Variants in TSPAN6 observed in about 807,000 individuals in gnomAD.
The protein encoded by TSPAN6 is tetraspanin-6.
In TSPAN6, 13 loss-of-function variants were observed where a neutral mutation model predicts 18.0. The observed-to-expected ratio is 0.72, with a 90% CI of 0.47 to 1.15. The LOEUF (loss-of-function observed/expected upper bound fraction) is 1.15. Among genes scored for constraint, TSPAN6 ranks in the 50% most tolerant of loss-of-function variants. TSPAN6 has a pLI of 0.00. For missense variants in TSPAN6, 186 were observed against 183.9 expected (o/e 1.01, Z -0.07); for synonymous variants, 82 against 67.0 (o/e 1.22, Z -1.09).
chrX:100,635,357 T>C (rs1389892425), intron 2 of TSPAN6, 105 bp from the exon 3 acceptor site: 6 of 696,101 alleles, frequency 8.6e-6, no homozygotes, highest in Admixed American at 3.2e-5. Flanking sequence ...TAGTTCATCA[T>C]GTTTTCATTG....
chrX:100,631,474 A>C, intron 6 of TSPAN6, among the ~76,000 whole-genome samples: 1 of 112,153 alleles, frequency 8.9e-6, no homozygotes, highest in Middle Eastern at 4.6e-3. Context: ...AATTAGTCTT[A>C]TTTCTAGTGT....
At chrX:100,632,396 A>G in intron 6 of TSPAN6, 89 bp downstream of exon 6, 1 of 666,105 alleles carries the variant, frequency 1.5e-6, no homozygotes, top group South Asian at 2.5e-5. Context: ...ACCGAGCAAG[A>G]CTCCATCTCA....
intron 6 of TSPAN6, among the ~76,000 whole-genome samples, chrX:100,631,373 A>G (rs956875916): frequency 6.4e-4 from 72 of 112,618 alleles, no homozygotes; most frequent in African/African-American, 2.3e-3. Flanking sequence ...ATAATTTATA[A>G]CAATTCAAAG....
upstream of TSPAN6, chrX:100,636,960 G>A (rs1264053119): frequency 2.4e-5 from 5 of 204,712 alleles, no homozygotes; most frequent in Non-Finnish European, 4.4e-5. Context: ...TCTTCAAGTG[G>A]AGCTTTCTTC....
At chrX:100,634,548 G>A (rs935864480) in intron 3 of TSPAN6, among the ~76,000 whole-genome samples, 16 of 110,318 alleles carry the variant, frequency 1.5e-4, no homozygotes, top group African/African-American at 5.3e-4. Context: ...CTGCAGTGCA[G>A]TGGCGCGATC....
rs1232975727 is a variant in TSPAN6, at chrX:100,634,120, A to C, written c.352-91T>G. ...AAGTTCTCGAATCTGACCAATGGTC[A>C]TATCTTTGACAGCAGCAACATGTAT... On this transcript the variant is annotated intron_variant, in intron 3 of 7. Transcript: ENST00000373020. 6 of 551,734 alleles carry C rather than the reference A, an allele frequency of 1.1e-5. No homozygotes were observed. The Admixed American group carries it at 1.7e-4, about 16-fold the overall frequency. The allele number at this position is 551,734 out of a possible 1,213,427, so 45.5% of individuals were successfully genotyped here. A position where few individuals can be genotyped will look rare whatever the true frequency, so the allele number is the denominator to read the frequency against.
At chrX:100,635,894 G>T (rs1382461344) in intron 1 of TSPAN6, 148 bp from the exon 2 acceptor site, 1 of 411,223 alleles carries the variant, frequency 2.4e-6, no homozygotes, top group Non-Finnish European at 3.8e-6. Flanking sequence ...GTTAGGGGGG[G>T]ATCTGCACAC....
At chrX:100,633,876 T>C in intron 4 of TSPAN6, 55 bp downstream of exon 4, 1 of 913,543 alleles carries the variant, frequency 1.1e-6, no homozygotes, top group Non-Finnish European at 1.6e-6. Context: ...GACTCTGCTC[T>C]TTTCTCTGAG....
rs749854186 is a variant in TSPAN6, at chrX:100,631,288, C to T, written c.670-422G>A. On this transcript the variant is annotated intron_variant, in intron 6 of 7. Coordinates refer to ENST00000373020, the MANE Select transcript of TSPAN6 (RefSeq NM_003270.4). ...AATGTTCTAGAATCCCTGTACTGTC[C>T]GATATAGTAGGCAGCAGCCACATGG... Among the ~76,000 whole-genome samples, 8 of 112,086 alleles carry T rather than the reference C, an allele frequency of 7.1e-5. No homozygotes were observed. The East Asian group carries it at 8.4e-4, about 12-fold the overall frequency.
chrX:100,628,661 G>C lies in TSPAN6; in HGVS notation c.*1365C>G, dbSNP rs995737957. 8.9e-6 allele frequency: 1 copy of C among 112,155 alleles called. No homozygotes were observed. The highest frequency in any genetic ancestry group is 3.7e-4 in the South Asian group (1 of 2,717). 9.2% of individuals were successfully genotyped at this position (112,155 alleles called of 1,213,427 possible). A position where few individuals can be genotyped will look rare whatever the true frequency, so the allele number is the denominator to read the frequency against. Reference sequence around the variant, plus strand: ...TAATGCAAACTATACAATCAAAAAAGTCTGATCTCTAGGAGAACACTAGTC... The same window carrying C: ...TAATGCAAACTATACAATCAAAAAACTCTGATCTCTAGGAGAACACTAGTC... On this transcript the variant is annotated 3_prime_UTR_variant, in exon 8 of 8. Transcript: ENST00000373020.
intron 4 of TSPAN6, 82 bp from the exon 5 acceptor site, chrX:100,633,621 T>C: frequency 1.0e-6 from 1 of 961,722 alleles, no homozygotes; most frequent in Non-Finnish European, 1.4e-6. Flanking sequence ...CTATTGCAAT[T>C]TGTGCTCAAA....
intron 1 of TSPAN6, chrX:100,636,343 C>G: frequency 2.2e-5 from 21 of 938,539 alleles, no homozygotes; most frequent in Non-Finnish European, 2.5e-5. Flanking sequence ...ACCTCGCCTC[C>G]CGTATCGAAC....
At chrX:100,630,720 T>C in intron 7 of TSPAN6, 39 bp downstream of exon 7, 1 of 1,008,443 alleles carries the variant, frequency 9.9e-7, no homozygotes, top group Non-Finnish European at 1.4e-6. Context: ...CTAGAATAAA[T>C]ATCAACACTA....
At chrX:100,635,419 GC>G in intron 2 of TSPAN6, 138 bp downstream of exon 2, 1 of 674,009 alleles carries the variant, frequency 1.5e-6, no homozygotes, top group East Asian at 3.5e-5. Context: ...GAAACTGGCA[GC>G]TGAACTGTTA....
rs2083031479 is a variant in TSPAN6, at chrX:100,627,384, C to T, written c.*2642G>A. 1 of 111,589 alleles carries T rather than the reference C, an allele frequency of 9.0e-6. No individual in the cohort carries two copies. Among genetic ancestry groups the T allele is most frequent in the Non-Finnish European group, 1.9e-5 (1 of 53,137 alleles). The allele number at this position is 111,589 out of a possible 1,213,427, so 9.2% of individuals were successfully genotyped here. A position where few individuals can be genotyped will look rare whatever the true frequency, so the allele number is the denominator to read the frequency against. On this transcript the variant is annotated 3_prime_UTR_variant, in exon 8 of 8. Transcript: ENST00000373020. ...TTCTCCAGATTTCTATAAAACAAAACTTAAAAGCTCAAAACCCCCAGCCTG... is the reference window on the plus strand; with the variant it reads ...TTCTCCAGATTTCTATAAAACAAAATTTAAAAGCTCAAAACCCCCAGCCTG...
chrX:100,633,994 A>G lies in TSPAN6; in HGVS notation c.387T>C (p.Ala129=). Reference sequence around the variant, plus strand: ...CTCCTGTAGAGTTATACTGCTTCAAAGCCTTCTCATAATTATTCTTAAAGC... The same window carrying G: ...CTCCTGTAGAGTTATACTGCTTCAAGGCCTTCTCATAATTATTCTTAAAGC... ...KNSFKNNYEK[A]LKQYNSTGDY... is the part of the protein sequence containing the mutation. Residue 129 remains alanine, a synonymous_variant, in exon 4 of 8, where the codon GCT becomes GCC. Coordinates refer to ENST00000373020, the MANE Select transcript of TSPAN6 (RefSeq NM_003270.4). 3.3e-6 allele frequency: 4 copies of G among 1,200,302 alleles called. No individual in the cohort carries two copies. Among genetic ancestry groups the G allele is most frequent in the Middle Eastern group, 2.3e-4 (1 of 4,334 alleles).
chrX:100,635,888 G>C, intron 1 of TSPAN6, 142 bp from the exon 2 acceptor site: 1 of 432,091 alleles, frequency 2.3e-6, no homozygotes, highest in Non-Finnish European at 3.5e-6. Flanking sequence ...GAAGGGGTTA[G>C]GGGGGGATCT....
intron 5 of TSPAN6, 75 bp from the exon 6 acceptor site, chrX:100,632,643 C>T (rs1208398811): frequency 2.4e-5 from 15 of 638,000 alleles, no homozygotes; most frequent in South Asian, 1.0e-4. Flanking sequence ...ATAAATACTT[C>T]GATCATATAA....
intron 1 of TSPAN6, chrX:100,636,213 G>C: frequency 1.3e-6 from 1 of 796,535 alleles, no homozygotes; most frequent in Non-Finnish European, 1.5e-6. Context: ...CCTCTCTTAC[G>C]AAGCAGTGAA....
Sources: allele counts gnomAD v4.1 joint callset (sites outside exome capture counted in the v4.1 genomes callset), GRCh38; gene constraint gnomAD v4.1.1; transcripts MANE v1.5; gene names NCBI Gene and HGNC (gene_info 2026-07-23, HGNC 2026-07-21).